The following POLI variants were observed in gnomAD, a reference collection of about 807,000 sequenced individuals.
The protein encoded by POLI is RAD30 homolog B.
In POLI, 58 loss-of-function variants were observed where a neutral mutation model predicts 51.6. The ratio of observed to expected loss-of-function variants is 1.12; its 90% confidence interval spans 0.91 to 1.40. POLI has a LOEUF of 1.40. POLI is among the 40% of genes most tolerant of loss of function. POLI has a pLI of 0.00. For missense variants in POLI, 921 were observed against 871.3 expected (o/e 1.06, Z -0.72); for synonymous variants, 322 against 299.7 (o/e 1.07, Z -0.77).
chr18:54,307,269 G>A (rs144722212), intron 3 of POLI, among the ~76,000 whole-genome samples: 171 of 152,234 alleles, frequency 1.1e-3, no homozygotes, highest in African/African-American at 3.7e-3. Flanking sequence ...CTTTAAATAT[G>A]TCCCAGAGAT....
In POLI at chr18:54,321,082, C is replaced by T. The variant is rs1054975504; in HGVS notation, c.*42C>T. 11 of 152,264 alleles carry T rather than the reference C, an allele frequency of 7.2e-5. No individual in the cohort carries two copies. In the East Asian group the frequency reaches 2.1e-3, roughly 29 times the overall value. The allele number at this position is 152,264 out of a possible 1,614,324, so 9.4% of individuals were successfully genotyped here. A position where few individuals can be genotyped will look rare whatever the true frequency, so the allele number is the denominator to read the frequency against. ...TGTGTATAGATTCATGTGACCACGC[C>T]ACAGTCAACACACAGAACAGGTTTA... On this transcript the variant is annotated 3_prime_UTR_variant, in exon 5 of 5. Coordinates refer to the POLI transcript ENST00000579823.
chr18:54,311,543 A>C (rs2088669282), intron 3 of POLI, among the ~76,000 whole-genome samples: 1 of 152,212 alleles, frequency 6.6e-6, no homozygotes, highest in Admixed American at 6.5e-5. Flanking sequence ...ACCTATGTAG[A>C]TACATGTATA....
intron 7 of POLI, among the ~76,000 whole-genome samples, chr18:54,284,317 C>A (rs145584212): frequency 5.6e-4 from 86 of 152,288 alleles, no homozygotes; most frequent in African/African-American, 2.0e-3. Flanking sequence ...TAGACTTATT[C>A]TGGTCTTCAG....
At chr18:54,299,922 G>C (rs764813234), downstream of POLI, among the ~76,000 whole-genome samples, 5 of 151,964 alleles carry the variant, frequency 3.3e-5, no homozygotes, top group Non-Finnish European at 7.4e-5. Context: ...TGAAAATATT[G>C]GAAGCCAGAA....
chr18:54,272,551 A>C (rs570101749), intron 2 of POLI, among the ~76,000 whole-genome samples: 87 of 152,126 alleles, frequency 5.7e-4, no homozygotes, highest in African/African-American at 2.0e-3. Flanking sequence ...GGCTTACTGC[A>C]AGCTTTGCCT....
chr18:54,287,016 C>T (rs1389127525), intron 7 of POLI, among the ~76,000 whole-genome samples: 1 of 151,992 alleles, frequency 6.6e-6, no homozygotes, highest in Admixed American at 6.6e-5. Context: ...ATGATTGTAT[C>T]TTATATCTCT....
At position 54,304,648 on chromosome 18, in the gene POLI, A is replaced by G. The variant is rs533845226; in HGVS notation, c.334-15625A>G. Among the ~76,000 whole-genome samples, 3 of 152,168 alleles carry G rather than the reference A, an allele frequency of 2.0e-5. No individual in the cohort carries two copies. In the East Asian group the frequency reaches 5.8e-4, roughly 29 times the overall value. Reference sequence around the variant, plus strand: ...GTAAATTTGTTTAACTTCTTTGTAGATTCTGGATATTAGCCCTTTGACAGA... The same window carrying G: ...GTAAATTTGTTTAACTTCTTTGTAGGTTCTGGATATTAGCCCTTTGACAGA... On this transcript the variant is annotated intron_variant, in intron 3 of 4. Coordinates refer to the POLI transcript ENST00000579823.
At chr18:54,276,624 A>T (rs2087251051) in intron 3 of POLI, among the ~76,000 whole-genome samples, 1 of 152,216 alleles carries the variant, frequency 6.6e-6, no homozygotes, top group Non-Finnish European at 1.5e-5. Flanking sequence ...AGGAAATGCA[A>T]AACAATCATT....
In POLI at chr18:54,283,912, T is replaced by G; in HGVS notation, c.976-10T>G. On this transcript the variant is annotated splice_polypyrimidine_tract_variant and intron_variant, in intron 6 of 9. Transcript: ENST00000579534. ...GTTTGTGCTAATCCTTATTTATGCT[T>G]CTTTGATAGTCCTTTAGTGAAGAAG... 9.5e-7 allele frequency: 1 copy of G among 1,055,564 alleles called. No individual in the cohort carries two copies. The highest frequency in any genetic ancestry group is 1.4e-6 in the Non-Finnish European group (1 of 698,074). 65.4% of individuals were successfully genotyped at this position (1,055,564 alleles called of 1,614,324 possible).
At chr18:54,287,832 A>G (rs1048600941) in intron 8 of POLI, 2 of 154,452 alleles carry the variant, frequency 1.3e-5, no homozygotes, top group Non-Finnish European at 2.9e-5. Flanking sequence ...TGCTGGGATT[A>G]TGGGCATGAG....
chr18:54,296,391 ATCAAC>A lies in POLI; in HGVS notation c.*1926_*1930del. On this transcript the variant is annotated 3_prime_UTR_variant, in exon 10 of 10. Coordinates refer to ENST00000579534, the MANE Select transcript of POLI (RefSeq NM_007195.3). The stretch of plus-strand genomic sequence containing the variant: ...AGTCTCAACATCTTTGGGCCTCAGA[ATCAAC>A]TTTTTTATGGGATCTTTTTTCTCTG... 1.0e-6 allele frequency: 1 copy of A among 983,312 alleles called. No homozygotes were observed. The highest frequency in any genetic ancestry group is 1.2e-6 in the Non-Finnish European group (1 of 828,010). 60.9% of individuals were successfully genotyped at this position (983,312 alleles called of 1,614,324 possible). A position where few individuals can be genotyped will look rare whatever the true frequency, so the allele number is the denominator to read the frequency against.
intron 3 of POLI, among the ~76,000 whole-genome samples, chr18:54,276,736 A>G (rs2087256577): frequency 6.6e-6 from 1 of 152,202 alleles, no homozygotes; most frequent in South Asian, 2.1e-4. Context: ...GCCATGTCAC[A>G]TTGTTACCTT....
At chr18:54,274,667 T>G (rs1001494131) in intron 3 of POLI, among the ~76,000 whole-genome samples, 1 of 152,078 alleles carries the variant, frequency 6.6e-6, no homozygotes, top group African/African-American at 2.4e-5. Context: ...TGAAAATGAG[T>G]GTGCACTGGC....
intron 3 of POLI, among the ~76,000 whole-genome samples, chr18:54,308,844 C>T (rs1223934266): frequency 6.6e-6 from 1 of 152,184 alleles, no homozygotes; most frequent in Non-Finnish European, 1.5e-5. Flanking sequence ...TCTTCAATCA[C>T]TGATACCCTT....
Position 54,283,033 on chromosome 18 carries a change from T to C in POLI, c.975+18T>C, listed in dbSNP as rs774427485. ...CACCTCAGGTACATGATGATACTTA[T>C]TTTAATTAAGTACTGGTTATCACAT... On this transcript the variant is annotated intron_variant, in intron 6 of 9. Transcript: ENST00000579534. 4.0e-6 allele frequency: 6 copies of C among 1,485,112 alleles called. No individual in the cohort carries two copies. Among genetic ancestry groups the C allele is most frequent in the Admixed American group, 1.8e-5 (1 of 54,676 alleles). 92.0% of individuals were successfully genotyped at this position (1,485,112 alleles called of 1,614,324 possible).
At position 54,280,942 on chromosome 18, in the gene POLI, T is replaced by C. The variant is rs935869644; in HGVS notation, c.796+39T>C. ...ATTTGAAAAGTACATATACGTCTTA[T>C]TTTATTTCTTTTAATTTAAAAAATT... On this transcript the variant is annotated intron_variant, in intron 5 of 9. Transcript: ENST00000579534. The C allele has an allele frequency of 4.8e-6, 5 of 1,031,176 alleles. 1 individual carries two copies. Among genetic ancestry groups the C allele is most frequent in the Non-Finnish European group, 7.1e-6 (5 of 705,700 alleles). 63.9% of individuals were successfully genotyped at this position (1,031,176 alleles called of 1,614,324 possible).
At chr18:54,272,373 TA>T (rs1290340547) in intron 2 of POLI, 5 of 152,292 alleles carry the variant, frequency 3.3e-5, no homozygotes, top group Non-Finnish European at 7.4e-5. Flanking sequence ...TAATGCTTAA[TA>T]AAAAAACTGT....
intron 3 of POLI, among the ~76,000 whole-genome samples, chr18:54,313,471 G>A (rs2088695954): frequency 6.6e-6 from 1 of 151,988 alleles, no homozygotes; most frequent in South Asian, 2.1e-4. Flanking sequence ...TTTTAGAATA[G>A]TTTTTCTAAT....
chr18:54,276,049 C>A (rs2144476578), intron 3 of POLI, among the ~76,000 whole-genome samples: 1 of 151,196 alleles, frequency 6.6e-6, no homozygotes, highest in East Asian at 1.9e-4. Flanking sequence ...ATAAATGTAT[C>A]TTGCTTATGA....
Sources: gnomAD v4.1 joint callset for allele counts (sites outside exome capture counted in the v4.1 genomes callset) on GRCh38, gnomAD v4.1.1 for gene constraint, MANE v1.5 for transcripts, NCBI Gene and HGNC (gene_info 2026-07-23, HGNC 2026-07-21) for gene names.